SCN4B: variants seen among roughly 807,000 people sequenced by gnomAD.
The protein encoded by SCN4B is sodium channel regulatory subunit beta-4.
SCN4B carries 20 observed loss-of-function variants against 19.6 expected under a neutral mutation model. That is an observed-to-expected ratio of 1.02 (90% CI 0.72 to 1.48). The LOEUF (loss-of-function observed/expected upper bound fraction) is 1.48. Among genes scored for constraint, SCN4B ranks in the 40% most tolerant of loss-of-function variants. The pLI, the probability that SCN4B is intolerant of heterozygous loss-of-function variation, is 0.00. For missense variants in SCN4B, 271 were observed against 287.5 expected, an observed-to-expected ratio of 0.94 and a Z score of 0.42; for synonymous variants, 127 against 122.8, an observed-to-expected ratio of 1.03 and a Z score of -0.22.
intron 1 of SCN4B, among the ~76,000 whole-genome samples, chr11:118,145,890 C>A (rs903209821): frequency 6.6e-6 from 1 of 152,216 alleles, no homozygotes; most frequent in African/African-American, 2.4e-5. Context: ...GGCCGCCAAA[C>A]GGGACCCTGG....
Position 118,143,987 on chromosome 11 carries a change from C to G in SCN4B, c.309G>C (p.Leu103=), listed in dbSNP as rs1217403777. The change falls in exon 3 of 5, where the codon CTG becomes CTC. Residue 103 remains leucine (L), a synonymous_variant. Transcript: ENST00000324727. ...VTLKDDDRIT[L]VGSTKEKMNN... ...TCATCTTCTCCTTAGTAGAGCCTAC[C>G]AGAGTGATGCGGTCATCGTCTTTCA... 1 of 1,614,166 alleles carries G rather than the reference C, an allele frequency of 6.2e-7. No individual in the cohort carries two copies. Among genetic ancestry groups the G allele is most frequent in the Non-Finnish European group, 8.5e-7 (1 of 1,180,008 alleles).
At chr11:118,146,603 T>G (rs928250489) in intron 1 of SCN4B, among the ~76,000 whole-genome samples, 2 of 152,246 alleles carry the variant, frequency 1.3e-5, no homozygotes, top group Non-Finnish European at 2.9e-5. Context: ...CAGCCCTGCT[T>G]GCTCAGCTTC....
intron 1 of SCN4B, among the ~76,000 whole-genome samples, chr11:118,149,521 G>A (rs1944969295): frequency 1.3e-5 from 2 of 152,294 alleles, no homozygotes; most frequent in South Asian, 4.1e-4. Flanking sequence ...TAAGGCCCCT[G>A]GGCCCAGAGA....
chr11:118,143,803 C>T, intron 3 of SCN4B, 30 bp downstream of exon 3: 4 of 1,555,284 alleles, frequency 2.6e-6, no homozygotes, highest in Non-Finnish European at 3.5e-6. Context: ...CTTCCCACGC[C>T]ACTGCCCTGT....
chr11:118,139,439 C>A (rs1948067036), intron 4 of SCN4B, among the ~76,000 whole-genome samples: 1 of 152,236 alleles, frequency 6.6e-6, no homozygotes, highest in Non-Finnish European at 1.5e-5. Context: ...CACTGATCCC[C>A]TCTACCTTGT....
chr11:118,144,129 C>T (rs1000755231), intron 2 of SCN4B, 68 bp from the exon 3 acceptor site: 7 of 1,047,712 alleles, frequency 6.7e-6, no homozygotes, highest in Non-Finnish European at 1.0e-5. Flanking sequence ...AGGGTCATGA[C>T]ATCACACCAG....
At position 118,141,999 on chromosome 11, in the gene SCN4B, C is replaced by T. The variant is rs369837580; in HGVS notation, c.464-663G>A. On this transcript the variant is annotated intron_variant, in intron 3 of 4. Coordinates refer to ENST00000324727, the MANE Select transcript of SCN4B (RefSeq NM_174934.4). The stretch of plus-strand genomic sequence containing the variant: ...TCTTCTTTGATGCCTTTTATTCAAA[C>T]GCTTTATCCAAGCTACCTGAGAATC... The T allele has an allele frequency of 5.2e-5, 8 of 152,984 alleles. No individual in the cohort carries two copies. The South Asian group carries it at 1.0e-3, about 20-fold the overall frequency. 9.5% of individuals were successfully genotyped at this position (152,984 alleles called of 1,614,324 possible). A position where few individuals can be genotyped will look rare whatever the true frequency, so the allele number is the denominator to read the frequency against.
Position 118,144,045 on chromosome 11 carries a change from A to C in SCN4B, c.251T>G (p.Val84Gly), listed in dbSNP as rs770613639. Residue 84 changes from valine to glycine, a missense_variant, in exon 3 of 5, where the codon GTG becomes GGG. Transcript: ENST00000324727. Reference protein sequence around the residue: ...DAFKILIEGTVKNEKSDPKVT... With the variant: ...DAFKILIEGTGKNEKSDPKVT... The stretch of plus-strand genomic sequence containing the variant: ...CTTGGGGTCAGACTTCTCATTCTTC[A>C]CAGTCCCCTCTATGAGCTGGTGGAG... 6.2e-7 allele frequency: 1 copy of C among 1,612,862 alleles called. No individual in the cohort carries two copies. Among genetic ancestry groups the C allele is most frequent in the South Asian group, 1.1e-5 (1 of 91,040 alleles).
intron 4 of SCN4B, among the ~76,000 whole-genome samples, chr11:118,139,387 C>T (rs536025506): frequency 7.9e-5 from 12 of 152,324 alleles, no homozygotes; most frequent in African/African-American, 2.9e-4. Context: ...TTCACCCTGC[C>T]CTGAACCCCC....
intron 1 of SCN4B, among the ~76,000 whole-genome samples, chr11:118,146,458 T>C (rs1020021994): frequency 1.3e-4 from 20 of 152,186 alleles, no homozygotes; most frequent in African/African-American, 3.9e-4. Context: ...CCAACCCCAC[T>C]CTCAGGAAGG....
chr11:118,135,810 G>A lies in SCN4B; in HGVS notation c.*1217C>T. The stretch of plus-strand genomic sequence containing the variant: ...GGCACATTCTAGCCCCACACACAAG[G>A]GCTGTGCAAACCAGCTCTGGGAGAA... On this transcript the variant is annotated 3_prime_UTR_variant, in exon 5 of 5. Transcript: ENST00000324727. 2.2e-6 allele frequency: 1 copy of A among 454,530 alleles called. No individual in the cohort carries two copies. The highest frequency in any genetic ancestry group is 4.4e-6 in the Non-Finnish European group (1 of 226,786). The allele number at this position is 454,530 out of a possible 1,614,324, so 28.2% of individuals were successfully genotyped here.
chr11:118,145,526 G>A, intron 1 of SCN4B: 1 of 1,264,382 alleles, frequency 7.9e-7, no homozygotes, highest in Non-Finnish European at 1.0e-6. Flanking sequence ...CCACTGCCGC[G>A]AACCGCGCCC....
At chr11:118,151,146 ACACAC>A (rs940717997) in intron 1 of SCN4B, among the ~76,000 whole-genome samples, 2 of 150,634 alleles carry the variant, frequency 1.3e-5, no homozygotes, top group African/African-American at 4.9e-5. Flanking sequence ...ACACACACAC[ACACAC>A]ATCATTTTCA....
At chr11:118,151,690 G>T (rs1193053194) in intron 1 of SCN4B, among the ~76,000 whole-genome samples, 1 of 152,200 alleles carries the variant, frequency 6.6e-6, no homozygotes, top group Non-Finnish European at 1.5e-5. Context: ...CCAATGCAGG[G>T]AGCTGCCAAA....
chr11:118,143,503 T>G (rs1948126373), intron 3 of SCN4B, among the ~76,000 whole-genome samples: 1 of 152,220 alleles, frequency 6.6e-6, no homozygotes, highest in African/African-American at 2.4e-5. Context: ...CCAATGGTAT[T>G]AATAATCAGT....
At position 118,133,568 on chromosome 11, in the gene SCN4B, T is replaced by G; in HGVS notation, c.*3459A>C. On this transcript the variant is annotated 3_prime_UTR_variant, in exon 5 of 5. Transcript: ENST00000324727. ...CCTCCCAAGGCCTGTTGTTGCATCA[T>G]TTGATCTATAGTTACATAGGAAAAT... is the stretch of plus-strand genomic sequence containing the variant. 2 of 454,508 alleles carry G rather than the reference T, an allele frequency of 4.4e-6. No individual in the cohort carries two copies. The highest frequency in any genetic ancestry group is 8.8e-6 in the Non-Finnish European group (2 of 226,800). The allele number at this position is 454,508 out of a possible 1,614,324, so 28.2% of individuals were successfully genotyped here. A position where few individuals can be genotyped will look rare whatever the true frequency, so the allele number is the denominator to read the frequency against.
chr11:118,142,226 C>T (rs1452524364), intron 3 of SCN4B, among the ~76,000 whole-genome samples: 2 of 152,250 alleles, frequency 1.3e-5, no homozygotes, highest in Non-Finnish European at 2.9e-5. Flanking sequence ...ACCTCACTCA[C>T]CCTTCCAGCA....
intron 1 of SCN4B, among the ~76,000 whole-genome samples, chr11:118,152,159 C>T (rs953973015): frequency 6.6e-6 from 1 of 152,156 alleles, no homozygotes; most frequent in African/African-American, 2.4e-5. Context: ...TCCCCCACCC[C>T]CAACTGGTGC....
chr11:118,143,276 T>C (rs151104626), intron 3 of SCN4B, among the ~76,000 whole-genome samples: 1 of 152,322 alleles, frequency 6.6e-6, no homozygotes, highest in African/African-American at 2.4e-5. Context: ...CTAGGTAGGA[T>C]GTAAGCCCCC....
Sources: allele counts gnomAD v4.1 joint callset (sites outside exome capture counted in the v4.1 genomes callset), GRCh38; gene constraint gnomAD v4.1.1; transcripts MANE v1.5; gene names NCBI Gene and HGNC (gene_info 2026-07-23, HGNC 2026-07-21).